ERG: variants seen among roughly 807,000 people sequenced by gnomAD.
ERG encodes transcriptional regulator ERG.
ERG carries 9 observed loss-of-function variants against 55.3 expected under a neutral mutation model. The ratio of observed to expected loss-of-function variants is 0.16; its 90% CI spans 0.10 to 0.28. The LOEUF (loss-of-function observed/expected upper bound fraction) is 0.28, where lower values mean the gene tolerates loss of function less well. Among genes scored for constraint, ERG ranks in the 10% least tolerant of loss-of-function variants. ERG has a pLI of 1.00. For missense variants in ERG, 434 were observed against 631.6 expected (o/e 0.69, Z 3.35); for synonymous variants, 223 against 237.3 (o/e 0.94, Z 0.55).
intron 3 of ERG, among the ~76,000 whole-genome samples, chr21:38,406,853 G>T (rs1295516268): frequency 1.3e-5 from 2 of 152,070 alleles, no homozygotes; most frequent in African/African-American, 4.8e-5. Flanking sequence ...CCCTTAATTG[G>T]TTTCGCTCAT....
chr21:38,602,271 C>T (rs769057733), intron 1 of ERG, among the ~76,000 whole-genome samples: 6 of 151,956 alleles, frequency 3.9e-5, no homozygotes, highest in Non-Finnish European at 7.4e-5. Context: ...GGTGAAACCC[C>T]GTCTCTACTA....
intron 2 of ERG, among the ~76,000 whole-genome samples, chr21:38,529,914 C>T (rs2410035): frequency 0.6 from 91,697 of 151,708 alleles, 27,941 homozygotes; most frequent in Middle Eastern, 0.71. Flanking sequence ...TGCAGTGAAC[C>T]GAGATCACGC....
At chr21:38,661,496 C>A (rs2060556405) in intron 1 of ERG, among the ~76,000 whole-genome samples, 1 of 152,166 alleles carries the variant, frequency 6.6e-6, no homozygotes, top group African/African-American at 2.4e-5. Flanking sequence ...CTGACCGACG[C>A]ACGCGGTGAC....
At chr21:38,429,740 T>C (rs1462559020) in intron 2 of ERG, among the ~76,000 whole-genome samples, 9 of 65,212 alleles carry the variant, frequency 1.4e-4, no homozygotes, top group Middle Eastern at 9.8e-3. Flanking sequence ...TGTGTGTATA[T>C]ATATATACAC....
chr21:38,578,359 T>A (rs2146870413), intron 1 of ERG, among the ~76,000 whole-genome samples: 1 of 152,326 alleles, frequency 6.6e-6, no homozygotes, highest in Middle Eastern at 3.4e-3. Flanking sequence ...TATGGATAAG[T>A]ACAAAGATGG....
At chr21:38,616,671 A>G (rs1255426083) in intron 1 of ERG, among the ~76,000 whole-genome samples, 2 of 152,144 alleles carry the variant, frequency 1.3e-5, no homozygotes, top group Non-Finnish European at 2.9e-5. Context: ...GCAGAAAGAA[A>G]CTGACCATAA....
At chr21:38,396,737 G>A (rs1009701293) in intron 6 of ERG, among the ~76,000 whole-genome samples, 9 of 152,148 alleles carry the variant, frequency 5.9e-5, no homozygotes, top group African/African-American at 2.2e-4. Context: ...GGGCTTGCAA[G>A]ATTCTGTGGA....
intron 1 of ERG, among the ~76,000 whole-genome samples, chr21:38,622,509 CCA>C (rs543788569): frequency 6.7e-6 from 1 of 150,202 alleles, no homozygotes; most frequent in African/African-American, 2.5e-5. Context: ...ACCACACACA[CCA>C]CACACACACC....
In ERG at chr21:38,380,625, T is replaced by C; in HGVS notation, c.*2778A>G. Reference sequence around the variant, plus strand: ...CCTGGAGGGGGCTTTGGAATTAGATTACAACAGTAACAGAGAGTTAATGCC... The same window carrying C: ...CCTGGAGGGGGCTTTGGAATTAGATCACAACAGTAACAGAGAGTTAATGCC... On this transcript the variant is annotated 3_prime_UTR_variant, in exon 10 of 10. Transcript: ENST00000288319. 9.4e-7 allele frequency: 1 copy of C among 1,065,388 alleles called. No individual in the cohort carries two copies. Among genetic ancestry groups the C allele is most frequent in the Non-Finnish European group, 1.1e-6 (1 of 879,364 alleles). The allele number at this position is 1,065,388 out of a possible 1,614,324, so 66.0% of individuals were successfully genotyped here.
upstream of ERG, among the ~76,000 whole-genome samples, chr21:38,503,368 CTT>C (rs35953821): frequency 2.0e-5 from 3 of 148,540 alleles, no homozygotes; most frequent in South Asian, 2.1e-4. Context: ...GCATAGAGCT[CTT>C]TTTTTTTTTC....
chr21:38,616,324 T>C (rs565940321), intron 1 of ERG, among the ~76,000 whole-genome samples: 21 of 152,282 alleles, frequency 1.4e-4, no homozygotes, highest in Non-Finnish European at 2.4e-4. Context: ...ATACCCGTCT[T>C]GATCATTGGG....
At chr21:38,651,700 G>A (rs1319829434) in intron 1 of ERG, among the ~76,000 whole-genome samples, 1 of 152,098 alleles carries the variant, frequency 6.6e-6, no homozygotes, top group African/African-American at 2.4e-5. Flanking sequence ...AGCACTGCCA[G>A]GACCTTACAC....
At chr21:38,613,508 TA>T (rs2060240771) in intron 1 of ERG, among the ~76,000 whole-genome samples, 1 of 152,212 alleles carries the variant, frequency 6.6e-6, no homozygotes, top group African/African-American at 2.4e-5. Context: ...CATGAGAACA[TA>T]AGGGCCCTCT....
intron 1 of ERG, among the ~76,000 whole-genome samples, chr21:38,608,512 T>C (rs1449021876): frequency 6.6e-6 from 1 of 152,150 alleles, no homozygotes; most frequent in Non-Finnish European, 1.5e-5. Flanking sequence ...AATCCTTCAT[T>C]ATAGAGAGAG....
At chr21:38,583,139 A>C (rs1365223780) in intron 1 of ERG, among the ~76,000 whole-genome samples, 1 of 152,236 alleles carries the variant, frequency 6.6e-6, no homozygotes. Flanking sequence ...CGCTGGGTGC[A>C]CTTGTCCTGG....
rs3065420 is a variant in ERG, at chr21:38,597,472, T to TACACACACACACACACAC, written c.-149-12545_-149-12528dup. On this transcript the variant is annotated intron_variant, in intron 1 of 10. Transcript: ENST00000398910. ...ATATAGAGAGATATCTATATATATC[T>TACACACACACACACACAC]ACACACACACACACACACACACACA... 2.6e-3 allele frequency among the ~76,000 whole-genome samples: 390 copies of TACACACACACACACACAC among 148,264 alleles called. 5 individuals carry two copies. The highest frequency in any genetic ancestry group is 0.011 in the South Asian group (50 of 4,576).
chr21:38,616,445 G>A (rs2060259651), intron 1 of ERG, among the ~76,000 whole-genome samples: 1 of 152,038 alleles, frequency 6.6e-6, no homozygotes, highest in Admixed American at 6.5e-5. Flanking sequence ...CCTTTGAACT[G>A]AGACTCAGAA....
At chr21:38,639,360 T>G (rs2060409614) in intron 1 of ERG, among the ~76,000 whole-genome samples, 1 of 146,424 alleles carries the variant, frequency 6.8e-6, no homozygotes, top group Non-Finnish European at 1.5e-5. Flanking sequence ...AGAGATGTTT[T>G]AACTTTAAAA....
At position 38,530,328 on chromosome 21, in the gene ERG, G is replaced by A. The variant is rs144601831; in HGVS notation, c.-41+45334C>T. Among the ~76,000 whole-genome samples, 1,132 of 152,284 alleles carry A rather than the reference G, an allele frequency of 7.4e-3. 15 individuals are homozygous for A. Among genetic ancestry groups the A allele is most frequent in the African/African-American group, 0.026 (1,060 of 41,566 alleles). ...ACCCGCCTCGGCCTCCCAAAGTGCC[G>A]GGATTGCAGAAGTGAGCCACTGCGT... On this transcript the variant is annotated intron_variant, in intron 2 of 8. Transcript: ENST00000398897.
Sources: allele counts gnomAD v4.1 joint callset (sites outside exome capture counted in the v4.1 genomes callset), GRCh38; gene constraint gnomAD v4.1.1; transcripts MANE v1.5; gene names NCBI Gene and HGNC (gene_info 2026-07-23, HGNC 2026-07-21).